The following EEA1 variants were observed in gnomAD, a reference collection of about 807,000 sequenced individuals.
EEA1 encodes the protein early endosome antigen 1, also known as early endosome antigen 1, 162kD.
EEA1 carries 111 observed loss-of-function variants against 209.2 expected under a neutral mutation model. The observed-to-expected ratio is 0.53, with a 90% CI of 0.45 to 0.62. EEA1 has a LOEUF of 0.62. Among genes scored for constraint, EEA1 ranks in the 20% least tolerant of loss-of-function variants. EEA1 has a pLI of 0.00. For synonymous variants in EEA1, 536 were observed against 540.6 expected (o/e 0.99, Z 0.12); for missense variants, 1,343 against 1,530.8 (o/e 0.88, Z 2.05).
At position 92,802,641 on chromosome 12, in the gene EEA1, G is replaced by A. The variant is rs1026747856; in HGVS notation, c.2433C>T (p.Ile811=). Residue 811 remains isoleucine, a synonymous_variant, in exon 19 of 29, where the codon ATC becomes ATT. Transcript: ENST00000322349. ...TTAAAGTTTCAAAATCTTGTTTCAG[G>A]ATTTTTTTTTCTTCCTCTTGCTTGG... is the stretch of plus-strand genomic sequence containing the variant. ...KLTKQEEEKK[I]LKQDFETLSQ... is the part of the protein sequence containing the mutation. 3 of 1,604,002 alleles carry A rather than the reference G, an allele frequency of 1.9e-6. No homozygotes were observed. The highest frequency in any genetic ancestry group is 2.5e-6 in the Non-Finnish European group (3 of 1,177,168).
intron 20 of EEA1, 118 bp downstream of exon 20, chr12:92,801,482 T>C (rs1874904699): frequency 1.6e-6 from 1 of 615,552 alleles, no homozygotes; most frequent in Non-Finnish European, 2.5e-6. Context: ...CTTAAAACTA[T>C]AAAAAAAAAT....
At chr12:92,842,693 T>G in intron 9 of EEA1, 112 bp from the exon 10 acceptor site, 1 of 677,154 alleles carries the variant, frequency 1.5e-6, no homozygotes, top group South Asian at 1.9e-5. Flanking sequence ...GTTGGAATTT[T>G]CAATTTTGTT....
chr12:92,779,711 T>C (rs1297917093), intron 24 of EEA1, among the ~76,000 whole-genome samples: 1 of 152,026 alleles, frequency 6.6e-6, no homozygotes, highest in East Asian at 1.9e-4. Context: ...AAAGAGATAA[T>C]TAATTATAAA....
intron 1 of EEA1, among the ~76,000 whole-genome samples, chr12:92,894,538 A>G (rs946417536): frequency 2.0e-5 from 3 of 152,236 alleles, no homozygotes; most frequent in Non-Finnish European, 4.4e-5. Flanking sequence ...AAGAGCACAA[A>G]TTGCTGAGAA....
intron 1 of EEA1, among the ~76,000 whole-genome samples, chr12:92,926,757 T>C (rs540766103): frequency 3.9e-5 from 6 of 152,188 alleles, no homozygotes; most frequent in Non-Finnish European, 5.9e-5. Context: ...TCCATCTCTT[T>C]GCATTTGCTG....
At chr12:92,801,802 A>T in intron 19 of EEA1, 101 bp from the exon 20 acceptor site, 1 of 716,604 alleles carries the variant, frequency 1.4e-6, no homozygotes, top group Non-Finnish European at 2.1e-6. Context: ...AAATAAACTA[A>T]AATTATGATG....
chr12:92,826,080 A>G lies in EEA1; in HGVS notation c.1524+86T>C, dbSNP rs570062714. On this transcript the variant is annotated intron_variant, in intron 13 of 28. Transcript: ENST00000322349. ...CCACAACAAAAGGATAATGATTTGG[A>G]TTAATTAATTTTATTTTTTCTCTTA... is the stretch of plus-strand genomic sequence containing the variant. 2.2e-6 allele frequency: 3 copies of G among 1,376,592 alleles called. No homozygotes were observed. In the East Asian group the frequency reaches 7.5e-5, roughly 35 times the overall value. The allele number at this position is 1,376,592 out of a possible 1,614,324, so 85.3% of individuals were successfully genotyped here.
At position 92,771,402 on chromosome 12, in the gene EEA1, A is replaced by G. The variant is rs1169546528; in HGVS notation, c.*4609T>C. ...CAAACAAAGCAGTAAAGACAAGTGC[A>G]GCAGAAAGGCTTTTGTACAAGGCAA... On this transcript the variant is annotated 3_prime_UTR_variant, in exon 29 of 29. Transcript: ENST00000322349. The G allele has an allele frequency of 1.3e-5, 2 of 152,118 alleles. No individual in the cohort carries two copies. Among genetic ancestry groups the G allele is most frequent in the South Asian group, 2.1e-4 (1 of 4,834 alleles). The allele number at this position is 152,118 out of a possible 1,614,324, so 9.4% of individuals were successfully genotyped here.
intron 26 of EEA1, 114 bp from the exon 27 acceptor site, chr12:92,777,777 G>C (rs1873721697): frequency 6.3e-6 from 8 of 1,276,098 alleles, no homozygotes; most frequent in African/African-American, 3.0e-5. Context: ...CATTAATTTT[G>C]ACTATCTGAT....
chr12:92,882,790 T>C (rs772839705), intron 2 of EEA1, among the ~76,000 whole-genome samples: 2 of 152,242 alleles, frequency 1.3e-5, no homozygotes, highest in Non-Finnish European at 2.9e-5. Context: ...GTGGTATATA[T>C]GTACCATTTC....
rs1180296149 is a variant in EEA1 at position 92,809,097 on chromosome 12, T to C, written c.2259A>G (p.Leu753=). 8 of 1,607,922 alleles carry C rather than the reference T, an allele frequency of 5.0e-6. No individual in the cohort carries two copies. Among genetic ancestry groups the C allele is most frequent in the African/African-American group, 2.7e-5 (2 of 74,824 alleles). Residue 753 remains leucine, a synonymous_variant, in exon 18 of 29, where the codon CTA becomes CTG. Coordinates refer to ENST00000322349, the MANE Select transcript of EEA1 (RefSeq NM_003566.4). ...KASKEQALQD[L]QQQRQLNTDL... ...CTGTGTTCAGCTGTCTTTGCTGTTG[T>C]AGATCTTGCAAAGCCTGCTCCTTGC...
chr12:92,801,559 C>G, intron 20 of EEA1, 41 bp downstream of exon 20: 1 of 1,316,870 alleles, frequency 7.6e-7, no homozygotes, highest in Non-Finnish European at 1.1e-6. Flanking sequence ...AAAGACCTTA[C>G]TATACTTTAC....
At chr12:92,896,425 A>G (rs1262077560) in intron 1 of EEA1, among the ~76,000 whole-genome samples, 1 of 152,182 alleles carries the variant, frequency 6.6e-6, no homozygotes, top group Admixed American at 6.6e-5. Context: ...TATTCCATAA[A>G]TTTAGTTGAT....
In EEA1 at chr12:92,816,411, A is replaced by G. The variant is rs770308525; in HGVS notation, c.1729-11T>C. On this transcript the variant is annotated splice_polypyrimidine_tract_variant and intron_variant, in intron 14 of 28. Transcript: ENST00000322349. The stretch of plus-strand genomic sequence containing the variant: ...TGTTAGTTGAGTTACCTGTTATACA[A>G]GTAAGACTAATCGTGAAGTTCACAA... 1.2e-6 allele frequency: 2 copies of G among 1,609,864 alleles called. No individual in the cohort carries two copies. Among genetic ancestry groups the G allele is most frequent in the Admixed American group, 3.3e-5 (2 of 59,834 alleles).
intron 18 of EEA1, among the ~76,000 whole-genome samples, chr12:92,803,182 T>G (rs1875017391): frequency 6.6e-6 from 1 of 151,986 alleles, no homozygotes; most frequent in Non-Finnish European, 1.5e-5. Context: ...TTCTTAGGCT[T>G]CAAAATATTT....
chr12:92,838,306 C>T (rs1877017559), intron 10 of EEA1, among the ~76,000 whole-genome samples: 1 of 152,110 alleles, frequency 6.6e-6, no homozygotes. Context: ...AAATCATGTC[C>T]TTTATTAATA....
In EEA1 at chr12:92,842,447, T is replaced by C; in HGVS notation, c.915+18A>G. The C allele has an allele frequency of 1.6e-6, 2 of 1,228,248 alleles. No individual in the cohort carries two copies. Among genetic ancestry groups the C allele is most frequent in the Non-Finnish European group, 2.4e-6 (2 of 843,616 alleles). 76.1% of individuals were successfully genotyped at this position (1,228,248 alleles called of 1,614,324 possible). A position where few individuals can be genotyped will look rare whatever the true frequency, so the allele number is the denominator to read the frequency against. On this transcript the variant is annotated intron_variant, in intron 10 of 28. Transcript: ENST00000322349. ...CATAAAATCAATTTGCTATTATATA[T>C]AGCTTTAAAATTCTCACCTGATTTT...
In EEA1 at chr12:92,828,054, C is replaced by G; in HGVS notation, c.1262G>C (p.Ser421Thr). 2 of 1,552,360 alleles carry G rather than the reference C, an allele frequency of 1.3e-6. No homozygotes were observed. Among genetic ancestry groups the G allele is most frequent in the South Asian group, 1.3e-5 (1 of 79,598 alleles). ...TTGGCGCTCTGTCTCCAGAAGTTTG[C>G]TATGTAACTTTAAAAAAAGAAAAAA... ...QLQSEINQLH[S>T]KLLETERQLG... Residue 421 changes from serine (S) to threonine (T), a missense_variant, in exon 12 of 29, where the codon AGC becomes ACC. Ser to Thr is a moderately conservative substitution (Grantham distance 58, BLOSUM62 1). Around this residue, in one of 3 missense-constraint regions of EEA1, gnomAD observed 1,307 missense variants for 1,465.5 expected, o/e 0.89. Transcript: ENST00000322349.
chr12:92,801,640 T>A lies in EEA1; in HGVS notation c.2732A>T (p.Glu911Val). The change falls in exon 20 of 29, where the codon GAA becomes GTA. Residue 911 changes from glutamate (E) to valine (V), a missense_variant. Transcript: ENST00000322349. ...AAGTGACTTTTTCAGTTCCTTCTGT[T>A]CCTTAAGTGTGTTTTCCATCTGCAC... is the stretch of plus-strand genomic sequence containing the variant. The part of the protein sequence containing the change: ...LQVQMENTLK[E>V]QKELKKSLEK... The A allele has an allele frequency of 1.3e-6, 2 of 1,598,010 alleles. No homozygotes were observed. The highest frequency in any genetic ancestry group is 2.3e-5 in the South Asian group (2 of 86,700).
Sources: allele counts gnomAD v4.1 joint callset (sites outside exome capture counted in the v4.1 genomes callset), GRCh38; gene constraint gnomAD v4.1.1; regional missense constraint gnomAD v4.1.1; transcripts MANE v1.5; gene names NCBI Gene and HGNC (gene_info 2026-07-23, HGNC 2026-07-21).